Variants in ATP8A2 observed in about 807,000 individuals in gnomAD.
The protein encoded by ATP8A2 is phospholipid-transporting ATPase IB.
Under a neutral mutation model 165.6 loss-of-function variants are expected in ATP8A2, and 100 were observed. The ratio of observed to expected loss-of-function variants is 0.60; its 90% CI spans 0.51 to 0.71. The LOEUF (loss-of-function observed/expected upper bound fraction) is 0.71, where lower values mean the gene tolerates loss of function less well. Ranked by LOEUF, ATP8A2 falls within the 30% of genes least tolerant of loss-of-function variation. ATP8A2 has a pLI of 0.00. For synonymous variants in ATP8A2, 543 were observed against 548.8 expected, an observed-to-expected ratio of 0.99 and a Z score of 0.15; for missense variants, 1,227 against 1,479.5, an observed-to-expected ratio of 0.83 and a Z score of 2.80.
At chr13:25,635,016 A>C (rs1018711891) in intron 24 of ATP8A2, among the ~76,000 whole-genome samples, 1 of 152,194 alleles carries the variant, frequency 6.6e-6, no homozygotes, top group Non-Finnish European at 1.5e-5. Context: ...AATTTTAAAA[A>C]GTAAAGGGGA....
chr13:25,386,603 G>GT (rs994361215), intron 1 of ATP8A2, among the ~76,000 whole-genome samples: 5 of 152,074 alleles, frequency 3.3e-5, no homozygotes, highest in African/African-American at 1.2e-4. Context: ...TATTGGTGGC[G>GT]TTTTTTTCTC....
At position 25,753,985 on chromosome 13, in the gene ATP8A2, C is replaced by T. The variant is rs115841416; in HGVS notation, c.2385-15061C>T. 9.0e-3 allele frequency among the ~76,000 whole-genome samples: 1,370 copies of T among 152,342 alleles called. 31 individuals are homozygous for T. Among genetic ancestry groups the T allele is most frequent in the African/African-American group, 0.031 (1,309 of 41,574 alleles). On this transcript the variant is annotated intron_variant, in intron 25 of 36. Transcript: ENST00000381655. ...AAGAAATTGCACCCCTTGCACTTAG[C>T]ATGGTGTCTGTGTGACTTAGTCAAT...
chr13:26,013,239 C>T (rs1181154914), intron 36 of ATP8A2, among the ~76,000 whole-genome samples: 1 of 152,196 alleles, frequency 6.6e-6, no homozygotes, highest in Non-Finnish European at 1.5e-5. Flanking sequence ...AAGGCCAACC[C>T]AGCCCTGCCT....
intron 6 of ATP8A2, among the ~76,000 whole-genome samples, chr13:25,537,398 T>G (rs993772950): frequency 1.3e-5 from 2 of 152,214 alleles, no homozygotes; most frequent in African/African-American, 4.8e-5. Flanking sequence ...TCAAGTTATT[T>G]TGTTTTCTGC....
At chr13:25,959,922 A>G (rs1349988544) in intron 33 of ATP8A2, among the ~76,000 whole-genome samples, 3 of 152,228 alleles carry the variant, frequency 2.0e-5, no homozygotes, top group Non-Finnish European at 2.9e-5. Context: ...ACACATTTTT[A>G]AGGGTTGTAA....
chr13:25,481,182 A>ACTGTG (rs1555278819), intron 2 of ATP8A2, among the ~76,000 whole-genome samples: 3 of 144,294 alleles, frequency 2.1e-5, no homozygotes, highest in African/African-American at 7.8e-5. Flanking sequence ...GGAGAGGGAG[A>ACTGTG]GGGAGAGGGA....
At chr13:25,895,592 A>T (rs1046666414) in intron 33 of ATP8A2, among the ~76,000 whole-genome samples, 7 of 152,240 alleles carry the variant, frequency 4.6e-5, no homozygotes, top group African/African-American at 1.7e-4. Context: ...TGATTGGAAT[A>T]GTTTCAGAAG....
At chr13:25,387,675 G>T (rs572484005) in intron 1 of ATP8A2, among the ~76,000 whole-genome samples, 1 of 152,286 alleles carries the variant, frequency 6.6e-6, no homozygotes, top group South Asian at 2.1e-4. Flanking sequence ...AATAATTTTA[G>T]AATTTTCAGA....
chr13:25,523,711 T>C (rs1228437128), intron 2 of ATP8A2, among the ~76,000 whole-genome samples: 2 of 152,110 alleles, frequency 1.3e-5, no homozygotes, highest in African/African-American at 4.8e-5. Context: ...GTGGTCTCAG[T>C]TTTTATGTTG....
intron 36 of ATP8A2, among the ~76,000 whole-genome samples, chr13:26,017,380 A>T (rs1036243929): frequency 1.3e-5 from 2 of 152,210 alleles, no homozygotes; most frequent in African/African-American, 4.8e-5. Context: ...TTGTTACTGG[A>T]GCAGACGAAG....
At chr13:25,512,828 G>A (rs1249659950) in intron 2 of ATP8A2, among the ~76,000 whole-genome samples, 1 of 139,300 alleles carries the variant, frequency 7.2e-6, no homozygotes, top group African/African-American at 2.7e-5. Context: ...TGGCCGGGCA[G>A]AGGGGCTCCT....
chr13:25,534,539 T>C (rs2038216159), intron 6 of ATP8A2, among the ~76,000 whole-genome samples: 2 of 152,236 alleles, frequency 1.3e-5, no homozygotes, highest in East Asian at 3.8e-4. Flanking sequence ...TGGTCTCTAA[T>C]TGATGGTCTT....
At chr13:26,015,897 G>A (rs908106241) in intron 36 of ATP8A2, among the ~76,000 whole-genome samples, 2 of 152,166 alleles carry the variant, frequency 1.3e-5, no homozygotes, top group African/African-American at 4.8e-5. Context: ...CTCCCCGTTT[G>A]GATGCAAATG....
At chr13:25,984,989 C>T (rs1305364773) in intron 35 of ATP8A2, among the ~76,000 whole-genome samples, 1 of 152,228 alleles carries the variant, frequency 6.6e-6, no homozygotes, top group African/African-American at 2.4e-5. Context: ...TGGCCTCACA[C>T]ACACCCTTTT....
chr13:25,469,271 C>A, intron 2 of ATP8A2, 150 bp downstream of exon 2: 3 of 953,108 alleles, frequency 3.1e-6, no homozygotes, highest in Non-Finnish European at 4.6e-6. Context: ...CCCCACTAGC[C>A]CGCGGTGCAG....
intron 1 of ATP8A2, among the ~76,000 whole-genome samples, chr13:25,456,248 C>T (rs1472290106): frequency 6.6e-6 from 1 of 152,240 alleles, no homozygotes; most frequent in Non-Finnish European, 1.5e-5. Context: ...TCGTCTTTCT[C>T]TTAGACTCTG....
chr13:25,451,745 C>T (rs770078215), intron 1 of ATP8A2, among the ~76,000 whole-genome samples: 2 of 151,934 alleles, frequency 1.3e-5, no homozygotes, highest in Admixed American at 6.6e-5. Flanking sequence ...GAAAAGTCAC[C>T]CCAGACCAAA....
chr13:25,493,603 A>T (rs183368129), intron 2 of ATP8A2, among the ~76,000 whole-genome samples: 1 of 152,348 alleles, frequency 6.6e-6, no homozygotes, highest in East Asian at 1.9e-4. Context: ...GTCTGTGGAC[A>T]TTCAGGTAGG....
chr13:25,853,848 A>G (rs1952080730), intron 30 of ATP8A2, among the ~76,000 whole-genome samples: 1 of 152,250 alleles, frequency 6.6e-6, no homozygotes, highest in Non-Finnish European at 1.5e-5. Flanking sequence ...CTGATTTAGC[A>G]GCTAAGAATA....
Sources: gnomAD v4.1 joint callset for allele counts (sites outside exome capture counted in the v4.1 genomes callset) on GRCh38, gnomAD v4.1.1 for gene constraint, MANE v1.5 for transcripts, NCBI Gene and HGNC (gene_info 2026-07-23, HGNC 2026-07-21) for gene names.